Variants in PAM observed in about 807,000 individuals in gnomAD.
PAM encodes the protein peptidylglycine alpha-amidating monooxygenase.
PAM carries 72 observed loss-of-function variants against 122.1 expected under a neutral mutation model. The observed-to-expected ratio is 0.59, with a 90% CI of 0.49 to 0.72. The LOEUF (loss-of-function observed/expected upper bound fraction) is 0.72. PAM is among the 30% of genes least tolerant of loss of function. The pLI, the probability that PAM is intolerant of heterozygous loss-of-function variation, is 0.00. For synonymous variants in PAM, 389 were observed against 404.4 expected, an observed-to-expected ratio of 0.96 and a Z score of 0.46; for missense variants, 1,106 against 1,183.7, an observed-to-expected ratio of 0.93 and a Z score of 0.96.
Position 102,978,895 on chromosome 5 carries a change from T to C in PAM, c.1483+4459T>C, listed in dbSNP as rs538931955. ...AGCCAAGCTTAGTGTTTTAGATGCATTGATTCATTAGAAAGGAAGAAAGTG... is the reference window on the plus strand; with the variant it reads ...AGCCAAGCTTAGTGTTTTAGATGCACTGATTCATTAGAAAGGAAGAAAGTG... On this transcript the variant is annotated intron_variant, in intron 15 of 25. Coordinates refer to ENST00000438793, the MANE Select transcript of PAM (RefSeq NM_001177306.2). 2.5e-3 allele frequency among the ~76,000 whole-genome samples: 384 copies of C among 151,254 alleles called. 2 individuals are homozygous for C. Among genetic ancestry groups the C allele is most frequent in the Non-Finnish European group, 4.3e-3 (292 of 67,828 alleles).
At chr5:102,949,837 A>T (rs1467547151) in intron 10 of PAM, 65 bp from the exon 11 acceptor site, 4 of 879,680 alleles carry the variant, frequency 4.5e-6, no homozygotes, top group Non-Finnish European at 7.4e-6. Flanking sequence ...GTAGGAAAGT[A>T]AATATGCCTT....
intron 15 of PAM, among the ~76,000 whole-genome samples, chr5:102,988,357 C>T (rs1371347442): frequency 1.4e-5 from 2 of 143,124 alleles, no homozygotes; most frequent in Non-Finnish European, 2.9e-5. Context: ...GGGAAGGATT[C>T]TGGGCCCTCT....
At chr5:103,014,522 T>TA (rs1781470102) in intron 21 of PAM, among the ~76,000 whole-genome samples, 1 of 152,202 alleles carries the variant, frequency 6.6e-6, no homozygotes, top group South Asian at 2.1e-4. Flanking sequence ...AATAGATTAT[T>TA]ATCACAAAGA....
intron 14 of PAM, among the ~76,000 whole-genome samples, chr5:102,972,092 C>G (rs1314696262): frequency 6.6e-6 from 1 of 152,088 alleles, no homozygotes; most frequent in East Asian, 1.9e-4. Context: ...TTTATCACAG[C>G]TTTTAGATTT....
chr5:102,975,118 T>C (rs567521475), intron 15 of PAM, among the ~76,000 whole-genome samples: 2 of 152,352 alleles, frequency 1.3e-5, no homozygotes, highest in Non-Finnish European at 2.9e-5. Flanking sequence ...ATGCCTCATC[T>C]TTGTCTTTAA....
intron 19 of PAM, 95 bp downstream of exon 19, chr5:103,007,106 T>C: frequency 2.2e-6 from 2 of 928,020 alleles, no homozygotes; most frequent in Non-Finnish European, 3.3e-6. Context: ...TAAGCTGTAA[T>C]TGTCCCCTAC....
At chr5:102,856,967 A>G (rs1044317331) in intron 1 of PAM, among the ~76,000 whole-genome samples, 6 of 152,166 alleles carry the variant, frequency 3.9e-5, no homozygotes, top group African/African-American at 1.4e-4. Context: ...CAACAACAAC[A>G]AAAAACAGCA....
intron 1 of PAM, among the ~76,000 whole-genome samples, chr5:102,776,717 G>A (rs1757267596): frequency 6.6e-6 from 1 of 152,056 alleles, no homozygotes; most frequent in South Asian, 2.1e-4. Context: ...GTAGTATTAA[G>A]TTTCTTCACA....
At chr5:102,829,683 A>T (rs924938009) in intron 1 of PAM, among the ~76,000 whole-genome samples, 9 of 152,130 alleles carry the variant, frequency 5.9e-5, no homozygotes, top group African/African-American at 1.9e-4. Context: ...CGCAAATGGG[A>T]GTTTTTTGTG....
At chr5:102,873,293 G>C (rs986621210) in intron 3 of PAM, 1 of 152,188 alleles carries the variant, frequency 6.6e-6, no homozygotes, top group Non-Finnish European at 1.5e-5. Context: ...CCCCTCATAG[G>C]CTAGCTTGAC....
chr5:102,803,731 A>T (rs1365655571), intron 1 of PAM, among the ~76,000 whole-genome samples: 3 of 152,192 alleles, frequency 2.0e-5, no homozygotes, highest in African/African-American at 7.2e-5. Context: ...GAAAAATAGG[A>T]TATAATAAAT....
At chr5:103,001,452 A>G (rs1169042450) in intron 16 of PAM, among the ~76,000 whole-genome samples, 11 of 152,010 alleles carry the variant, frequency 7.2e-5, no homozygotes, top group Admixed American at 7.2e-4. Context: ...TGATACTTCC[A>G]TTTCATAAAT....
chr5:102,995,228 G>T lies in PAM; in HGVS notation c.1613+4827G>T, dbSNP rs565750337. Among the ~76,000 whole-genome samples the T allele has an allele frequency of 1.1e-4, 17 of 152,226 alleles. No individual in the cohort carries two copies. In the South Asian group the frequency reaches 3.5e-3, roughly 32 times the overall value. On this transcript the variant is annotated intron_variant, in intron 16 of 25. Coordinates refer to ENST00000438793, the MANE Select transcript of PAM (RefSeq NM_001177306.2). The stretch of plus-strand genomic sequence containing the variant: ...GTGTCTGTTACCTTTGTACCATCAT[G>T]TCTGAGGGAAAACTATAAGGGGTTC...
At chr5:102,802,250 A>G (rs1764980321) in intron 1 of PAM, among the ~76,000 whole-genome samples, 1 of 152,200 alleles carries the variant, frequency 6.6e-6, no homozygotes, top group Admixed American at 6.5e-5. Flanking sequence ...TATTAGAGTA[A>G]GCCATCATGT....
chr5:102,758,620 TA>T (rs1751365354), intron 1 of PAM, among the ~76,000 whole-genome samples: 1 of 152,222 alleles, frequency 6.6e-6, no homozygotes, highest in African/African-American at 2.4e-5. Context: ...AGTCATCATG[TA>T]TCCCTACAAT....
intron 5 of PAM, among the ~76,000 whole-genome samples, chr5:102,917,459 T>C (rs1257421400): frequency 5.3e-5 from 8 of 152,226 alleles, no homozygotes; most frequent in African/African-American, 1.9e-4. Flanking sequence ...ATAACAGTTT[T>C]GATGCTTAAA....
chr5:102,967,417 C>A (rs546582429), intron 14 of PAM, among the ~76,000 whole-genome samples: 1 of 152,266 alleles, frequency 6.6e-6, no homozygotes, highest in East Asian at 1.9e-4. Context: ...AGCCTAAAAT[C>A]ATCAAGGAAA....
intron 3 of PAM, among the ~76,000 whole-genome samples, chr5:102,889,961 G>T (rs889337381): frequency 1.3e-5 from 2 of 151,874 alleles, no homozygotes; most frequent in African/African-American, 4.8e-5. Context: ...AGTGAAAAGA[G>T]TATTTTTATA....
chr5:102,836,537 T>C (rs1224332699), intron 1 of PAM, among the ~76,000 whole-genome samples: 3 of 152,138 alleles, frequency 2.0e-5, no homozygotes, highest in Admixed American at 6.5e-5. Flanking sequence ...AGATGAAACA[T>C]TGTTTTGAAC....
Sources: gnomAD v4.1 joint callset for allele counts (sites outside exome capture counted in the v4.1 genomes callset) on GRCh38, gnomAD v4.1.1 for gene constraint, MANE v1.5 for transcripts, NCBI Gene and HGNC (gene_info 2026-07-23, HGNC 2026-07-21) for gene names.